The following DVL2 variants were observed in gnomAD, a reference collection of about 807,000 sequenced individuals.
DVL2 encodes dishevelled segment polarity protein 2, also known as segment polarity protein dishevelled homolog DVL-2.
In DVL2, 38 loss-of-function variants were observed where a neutral mutation model predicts 69.8. The observed-to-expected ratio is 0.54, with a 90% CI of 0.42 to 0.71. DVL2 has a LOEUF of 0.71. Ranked by LOEUF, DVL2 falls within the 30% of genes least tolerant of loss-of-function variation. DVL2 has a pLI of 0.00. For synonymous variants in DVL2, 428 were observed against 392.4 expected (o/e 1.09, Z -1.07); for missense variants, 931 against 1,008.1 (o/e 0.92, Z 1.04).
Position 7,230,059 on chromosome 17 carries a change from G to T in DVL2, c.507C>A (p.Ser169Arg). The T allele has an allele frequency of 6.2e-7, 1 of 1,613,970 alleles. No homozygotes were observed. The highest frequency in any genetic ancestry group is 8.5e-7 in the Non-Finnish European group (1 of 1,180,020). Reference protein sequence around the residue: ...LRRERPRRRDSSEHGAGGHRT... With the variant: ...LRRERPRRRDRSEHGAGGHRT... ...CCTGCCCCTCACCGCCATGCTCACT[G>T]CTGTCTCTCCTGCGAGGCCGCTCCC... Residue 169 changes from serine to arginine, a missense_variant, in exon 4 of 15, where the codon AGC (serine) becomes AGA (arginine). Ser to Arg is a moderately radical substitution (Grantham distance 110). This residue lies in a region of DVL2 where 555 missense variants were observed against 588.8 expected (regional missense o/e 0.94). Coordinates refer to ENST00000005340, the MANE Select transcript of DVL2 (RefSeq NM_004422.3).
At chr17:7,232,550 C>T (rs2071558660) in intron 1 of DVL2, among the ~76,000 whole-genome samples, 1 of 152,248 alleles carries the variant, frequency 6.6e-6, no homozygotes, top group South Asian at 2.1e-4. Flanking sequence ...CCGTGTGCCA[C>T]ACACGTGAAC....
intron 1 of DVL2, among the ~76,000 whole-genome samples, chr17:7,231,103 G>A (rs1003291386): frequency 3.3e-5 from 5 of 152,134 alleles, no homozygotes; most frequent in African/African-American, 1.2e-4. Context: ...TGATGCGGCT[G>A]CCTGAGATAC....
Position 7,228,013 on chromosome 17 carries a change from C to A in DVL2, c.1066G>T (p.Asp356Tyr). The change falls in exon 10 of 15, where the codon GAT becomes TAT. Residue 356 changes from aspartate to tyrosine, a missense_variant. Around this residue, in one of 3 missense-constraint regions of DVL2, gnomAD observed 555 missense variants for 588.8 expected, o/e 0.94. Transcript: ENST00000005340. ...GTGAAATAGGCCTGAGGAGAGGGAT[C>A]CCAGCACTTGGCCACAGTCAGCACA... Reference protein sequence around the residue: ...PIVLTVAKCWDPSPQAYFTLP... With the variant: ...PIVLTVAKCWYPSPQAYFTLP... The A allele has an allele frequency of 6.4e-7, 1 of 1,555,420 alleles. No homozygotes were observed.
intron 1 of DVL2, among the ~76,000 whole-genome samples, chr17:7,231,446 CAAAA>C (rs57713433): frequency 0.011 from 1,096 of 98,852 alleles, 16 homozygotes; most frequent in African/African-American, 0.032. Flanking sequence ...CTGGGCGGCT[CAAAA>C]AAAAAAAAAA....
intron 1 of DVL2, among the ~76,000 whole-genome samples, chr17:7,231,849 G>C (rs936995842): frequency 2.2e-5 from 3 of 138,112 alleles, no homozygotes; most frequent in East Asian, 4.6e-4. Flanking sequence ...GGCAGAGTGA[G>C]ACTCCACCTC....
chr17:7,228,115 A>G, intron 9 of DVL2, 71 bp from the exon 10 acceptor site: 2 of 1,294,858 alleles, frequency 1.5e-6, no homozygotes, highest in South Asian at 2.9e-5. Flanking sequence ...GGTCTGAAGC[A>G]AGGATGGATT....
At position 7,234,511 on chromosome 17, in the gene DVL2, G is replaced by C; in HGVS notation, c.-249C>G. On this transcript the variant is annotated 5_prime_UTR_variant, in exon 1 of 15. Coordinates refer to ENST00000005340, the MANE Select transcript of DVL2 (RefSeq NM_004422.3). The stretch of plus-strand genomic sequence containing the variant: ...CCACCGACGCCGCGAGCTTCCTCCA[G>C]GTACCCGCCCACCTCTCCTCATGTC... The C allele has an allele frequency of 5.7e-6, 3 of 528,168 alleles. No homozygotes were observed. Among genetic ancestry groups the C allele is most frequent in the East Asian group, 3.4e-5 (1 of 29,088 alleles). The allele number at this position is 528,168 out of a possible 1,614,324, so 32.7% of individuals were successfully genotyped here. A position where few individuals can be genotyped will look rare whatever the true frequency, so the allele number is the denominator to read the frequency against.
At chr17:7,233,934 A>G in intron 1 of DVL2, 135 bp downstream of exon 1, 2 of 910,812 alleles carry the variant, frequency 2.2e-6, no homozygotes, top group Non-Finnish European at 3.4e-6. Flanking sequence ...TAGTCAACCT[A>G]CCTCAGCATA....
Position 7,229,321 on chromosome 17 carries a change from C to A in DVL2, c.818-47G>T. On this transcript the variant is annotated intron_variant, in intron 7 of 14. Coordinates refer to ENST00000005340, the MANE Select transcript of DVL2 (RefSeq NM_004422.3). This position sits in a 1 kb window ranked among gnomAD's most constrained non-coding sequence, Gnocchi z 4.4. ...AAAGAGGAGCCCCTGCCACAGGACG[C>A]CCGGAACCCTAGAGACCAGGCCCTC... The A allele has an allele frequency of 6.2e-7, 1 of 1,613,334 alleles. No homozygotes were observed. Among genetic ancestry groups the A allele is most frequent in the Non-Finnish European group, 8.5e-7 (1 of 1,179,666 alleles).
chr17:7,227,979 C>T lies in DVL2; in HGVS notation c.1100G>A (p.Arg367Gln), dbSNP rs781418768. Residue 367 changes from arginine to glutamine, a missense_variant and splice_region_variant, in exon 10 of 15, where the codon CGA becomes CAA. Physicochemically the swap from Arg to Gln is conservative, Grantham distance 43 (BLOSUM62 1). This residue lies in a region of DVL2 where 555 missense variants were observed against 588.8 expected (regional missense o/e 0.94). Transcript: ENST00000005340. Reference protein sequence around the residue: ...PSPQAYFTLPRNEPIQPIDPA... With the variant: ...PSPQAYFTLPQNEPIQPIDPA... Reference sequence around the variant, plus strand: ...GCCCCTCCCTGAGTGTCACTCACTTCGGGGGAGAGTGAAATAGGCCTGAGG... The same window carrying T: ...GCCCCTCCCTGAGTGTCACTCACTTTGGGGGAGAGTGAAATAGGCCTGAGG... 7.4e-5 allele frequency: 116 copies of T among 1,573,688 alleles called. No homozygotes were observed. The highest frequency in any genetic ancestry group is 9.2e-5 in the Non-Finnish European group (107 of 1,159,844).
chr17:7,227,983 G>A lies in DVL2; in HGVS notation c.1096C>T (p.Pro366Ser). The change falls in exon 10 of 15, where the codon CCC becomes TCC. Residue 366 changes from proline (P) to serine (S), a missense_variant. Pro to Ser is a moderately conservative substitution (Grantham distance 74). This residue lies in a region of DVL2 where 555 missense variants were observed against 588.8 expected (regional missense o/e 0.94). Transcript: ENST00000005340. ...DPSPQAYFTL[P>S]RNEPIQPIDP... ...CTCCCTGAGTGTCACTCACTTCGGG[G>A]GAGAGTGAAATAGGCCTGAGGAGAG... is the stretch of plus-strand genomic sequence containing the variant. The A allele has an allele frequency of 2.5e-6, 4 of 1,573,528 alleles. No homozygotes were observed. Among genetic ancestry groups the A allele is most frequent in the Non-Finnish European group, 3.4e-6 (4 of 1,159,888 alleles).
intron 13 of DVL2, 44 bp from the exon 14 acceptor site, chr17:7,226,683 G>C: frequency 7.1e-7 from 1 of 1,416,552 alleles, no homozygotes; most frequent in African/African-American, 1.4e-5. Flanking sequence ...GCTTCAAGAG[G>C]CTAGGGCCCC....
chr17:7,226,199 C>T lies in DVL2; in HGVS notation c.1877G>A (p.Ser626Asn), dbSNP rs746734137. 2.3e-5 allele frequency: 37 copies of T among 1,612,330 alleles called. No homozygotes were observed. The highest frequency in any genetic ancestry group is 1.6e-4 in the Middle Eastern group (1 of 6,076). Reference protein sequence around the residue: ...SGSGSESEPSSRGGSLRRGGE... With the variant: ...SGSGSESEPSNRGGSLRRGGE... ...ACCCCGCCGAAGGCTGCCCCCTCGG[C>T]TGGAGGGCTCAGACTCACTGCCACT... Residue 626 changes from serine to asparagine, a missense_variant, in exon 15 of 15, where the codon AGC becomes AAC. Transcript: ENST00000005340.
At chr17:7,231,043 T>C (rs2142993508) in intron 1 of DVL2, among the ~76,000 whole-genome samples, 1 of 152,316 alleles carries the variant, frequency 6.6e-6, no homozygotes, top group South Asian at 2.1e-4. Flanking sequence ...AAGACTTCCT[T>C]GAGTCTGACT....
In DVL2 at chr17:7,225,976, C is replaced by T. The variant is rs774108089; in HGVS notation, c.2100G>A (p.Gly700=). ...AGCCCAGGTCTCTGACTGGAGGGGC[C>T]CCCGGAGGCTGCACTGCTGGAGGGA... The part of the protein sequence containing the change: ...PPVPPAVQPP[G]APPVRDLGSV... Residue 700 remains glycine, a synonymous_variant, in exon 15 of 15, where the codon GGG becomes GGA. Transcript: ENST00000005340. 1.2e-6 allele frequency: 2 copies of T among 1,613,730 alleles called. No homozygotes were observed. The highest frequency in any genetic ancestry group is 1.7e-6 in the Non-Finnish European group (2 of 1,179,968).
chr17:7,230,642 C>T, intron 2 of DVL2, 86 bp downstream of exon 2: 1 of 1,439,888 alleles, frequency 6.9e-7, no homozygotes, highest in Non-Finnish European at 9.6e-7. Context: ...TAACGCGCGG[C>T]CTGGGGAGGA....
At chr17:7,231,895 TCAAA>T (rs930792800) in intron 1 of DVL2, among the ~76,000 whole-genome samples, 9 of 141,030 alleles carry the variant, frequency 6.4e-5, no homozygotes, top group Non-Finnish European at 1.1e-4. Context: ...ACCCATTGGA[TCAAA>T]CAAACAATGG....
chr17:7,226,193 C>G lies in DVL2; in HGVS notation c.1883G>C (p.Gly628Ala). 4 of 1,612,434 alleles carry G rather than the reference C, an allele frequency of 2.5e-6. No individual in the cohort carries two copies. Among genetic ancestry groups the G allele is most frequent in the Non-Finnish European group, 3.4e-6 (4 of 1,179,674 alleles). ...TTCCCCACCCCGCCGAAGGCTGCCCCCTCGGCTGGAGGGCTCAGACTCACT... is the reference window on the plus strand; with the variant it reads ...TTCCCCACCCCGCCGAAGGCTGCCCGCTCGGCTGGAGGGCTCAGACTCACT... ...SGSESEPSSR[G>A]GSLRRGGEAS... Residue 628 changes from glycine (G) to alanine (A), a missense_variant, in exon 15 of 15, where the codon GGG becomes GCG. By Grantham distance (60) the Gly-to-Ala change is moderately conservative (BLOSUM62 0). Coordinates refer to ENST00000005340, the MANE Select transcript of DVL2 (RefSeq NM_004422.3).
chr17:7,228,007 A>G lies in DVL2; in HGVS notation c.1072T>C (p.Ser358Pro). 1 of 1,557,644 alleles carries G rather than the reference A, an allele frequency of 6.4e-7. No homozygotes were observed. Among genetic ancestry groups the G allele is most frequent in the South Asian group, 1.2e-5 (1 of 81,092 alleles). Residue 358 changes from serine (S) to proline (P), a missense_variant, in exon 10 of 15, where the codon TCT becomes CCT. Ser to Pro is a moderately conservative substitution (Grantham distance 74). Transcript: ENST00000005340. ...VLTVAKCWDP[S>P]PQAYFTLPRN... The stretch of plus-strand genomic sequence containing the variant: ...GGGAGAGTGAAATAGGCCTGAGGAG[A>G]GGGATCCCAGCACTTGGCCACAGTC...
Sources: gnomAD v4.1 joint callset for allele counts (sites outside exome capture counted in the v4.1 genomes callset) on GRCh38, gnomAD v4.1.1 for gene constraint, gnomAD v4.1.1 regional missense constraint, Gnocchi (gnomAD v3.1) non-coding constraint, MANE v1.5 for transcripts, NCBI Gene and HGNC (gene_info 2026-07-23, HGNC 2026-07-21) for gene names.